Variants in PGAM1 observed in about 807,000 individuals in gnomAD.
The protein encoded by PGAM1 is BPG-dependent PGAM 1.
In PGAM1, 21 loss-of-function variants were observed where a neutral mutation model predicts 23.5. The observed-to-expected ratio is 0.89, with a 90% CI of 0.63 to 1.29. PGAM1 has a LOEUF of 1.29. PGAM1 is among the 50% of genes most tolerant of loss of function. The pLI is 0.00. For missense variants in PGAM1, 232 were observed against 336.3 expected (o/e 0.69, Z 2.42); for synonymous variants, 109 against 128.6 (o/e 0.85, Z 1.03).
chr10:97,428,273 C>CAT (rs1845432939), intron 1 of PGAM1, among the ~76,000 whole-genome samples: 1 of 152,130 alleles, frequency 6.6e-6, no homozygotes, highest in Non-Finnish European at 1.5e-5. Flanking sequence ...AGGTCGAATA[C>CAT]ATATATATAA....
intron 1 of PGAM1, chr10:97,427,267 C>A: frequency 1.0e-6 from 1 of 986,544 alleles, no homozygotes; most frequent in Non-Finnish European, 1.2e-6. Flanking sequence ...AGGTGGAGGC[C>A]CTGGGGGTGC....
At chr10:97,427,822 A>G in intron 1 of PGAM1, 1 of 1,289,450 alleles carries the variant, frequency 7.8e-7, no homozygotes, top group Non-Finnish European at 1.0e-6. Flanking sequence ...GCAGCCATTC[A>G]CAAGGGTCAT....
In PGAM1 at chr10:97,432,357, C is replaced by G. The variant is rs756333282; in HGVS notation, c.598C>G (p.Leu200Val). Reference sequence around the variant, plus strand: ...CTGATGATGGTGGATGTTTTCAGGTCTCTCTGAAGAGGCTATCATGGAGCT... The same window carrying G: ...CTGATGATGGTGGATGTTTTCAGGTGTCTCTGAAGAGGCTATCATGGAGCT... ...LRGIVKHLEG[L>V]SEEAIMELNL... Residue 200 changes from leucine to valine, a missense_variant and splice_region_variant, in exon 4 of 4, where the codon CTC becomes GTC. Transcript: ENST00000334828. 91 of 1,611,986 alleles carry G rather than the reference C, an allele frequency of 5.6e-5. No homozygotes were observed. Among genetic ancestry groups the G allele is most frequent in the Non-Finnish European group, 5.9e-5 (70 of 1,179,934 alleles).
chr10:97,426,420 C>G lies in PGAM1; in HGVS notation c.113C>G (p.Ala38Gly). 1 of 1,602,764 alleles carries G rather than the reference C, an allele frequency of 6.2e-7. No homozygotes were observed. Residue 38 changes from alanine (A) to glycine (G), a missense_variant, in exon 1 of 4, where the codon GCG becomes GGG. By Grantham distance (60) the Ala-to-Gly change is moderately conservative (BLOSUM62 0). Coordinates refer to ENST00000334828, the MANE Select transcript of PGAM1 (RefSeq NM_002629.4). ...ADLSPAGHEE[A>G]KRGGQALRDA... ...CTGAGCCCGGCGGGCCACGAGGAGG[C>G]GAAGCGCGGCGGGCAGGCGCTACGA...
chr10:97,431,141 T>C lies in PGAM1; in HGVS notation c.595+6T>C. Reference sequence around the variant, plus strand: ...CATTGTCAAGCATCTGGAGGGTATGTATGTTTTTTCAGAGGCGCCCTCAAG... The same window carrying C: ...CATTGTCAAGCATCTGGAGGGTATGCATGTTTTTTCAGAGGCGCCCTCAAG... On this transcript the variant is annotated splice_donor_region_variant and intron_variant, in intron 3 of 3. Transcript: ENST00000334828. 1.9e-6 allele frequency: 3 copies of C among 1,614,180 alleles called. No individual in the cohort carries two copies. The highest frequency in any genetic ancestry group is 2.5e-6 in the Non-Finnish European group (3 of 1,180,038).
intron 1 of PGAM1, chr10:97,427,569 G>A (rs1197747324): frequency 3.4e-6 from 4 of 1,159,584 alleles, no homozygotes; most frequent in Non-Finnish European, 4.3e-6. Flanking sequence ...GAAGTAACAG[G>A]TAGGTGTGAG....
intron 1 of PGAM1, chr10:97,427,779 T>G (rs1244938605): frequency 7.8e-7 from 1 of 1,288,598 alleles, no homozygotes; most frequent in African/African-American, 1.5e-5. Flanking sequence ...GGGCAGATCC[T>G]CCTTTGCTCC....
chr10:97,426,374 A>C lies in PGAM1; in HGVS notation c.67A>C (p.Ser23Arg). 4 of 1,608,570 alleles carry C rather than the reference A, an allele frequency of 2.5e-6. No individual in the cohort carries two copies. Among genetic ancestry groups the C allele is most frequent in the Non-Finnish European group, 2.5e-6 (3 of 1,178,360 alleles). The change falls in exon 1 of 4, where the codon AGC (serine) becomes CGC (arginine). Residue 23 changes from serine (S) to arginine (R), a missense_variant. Physicochemically the swap from Ser to Arg is moderately radical, Grantham distance 110. Around this residue, in one of 3 missense-constraint regions of PGAM1, gnomAD observed 38 missense variants for 77.1 expected, o/e 0.49. Transcript: ENST00000334828. ...CGCATGGAACCTGGAGAACCGCTTC[A>C]GCGGCTGGTACGACGCCGACCTGAG... ...ESAWNLENRF[S>R]GWYDADLSPA... is the part of the protein sequence containing the mutation.
At chr10:97,431,529 C>T (rs1845471756) in intron 3 of PGAM1, among the ~76,000 whole-genome samples, 1 of 152,166 alleles carries the variant, frequency 6.6e-6, no homozygotes, top group East Asian at 1.9e-4. Flanking sequence ...CCTGTAATTG[C>T]AACATTTTGG....
At position 97,432,347 on chromosome 10, in the gene PGAM1, G is replaced by A. The variant is rs781730152; in HGVS notation, c.596-8G>A. The A allele has an allele frequency of 6.1e-5, 99 of 1,612,030 alleles. No individual in the cohort carries two copies. Among genetic ancestry groups the A allele is most frequent in the Middle Eastern group, 2.2e-4 (1 of 4,468 alleles). On this transcript the variant is annotated splice_polypyrimidine_tract_variant and splice_region_variant and intron_variant, in intron 3 of 3. Transcript: ENST00000334828. ...TCTTGTGTGGCTGATGATGGTGGAT[G>A]TTTTCAGGTCTCTCTGAAGAGGCTA...
chr10:97,428,995 C>T (rs1564783277), intron 1 of PGAM1, among the ~76,000 whole-genome samples: 1 of 150,198 alleles, frequency 6.7e-6, no homozygotes, highest in Non-Finnish European at 1.5e-5. Flanking sequence ...TGGAGAAAAA[C>T]AGGAATGTTT....
rs1021358704 is a variant in PGAM1 at position 97,430,912 on chromosome 10, G to A, written c.415-43G>A. The A allele has an allele frequency of 6.8e-6, 11 of 1,610,732 alleles. No homozygotes were observed. In the South Asian group the frequency reaches 9.9e-5, roughly 14 times the overall value. ...TACATCATGAAGTCTTTTAACAGAT[G>A]TAACTCTTAATAAGTGGTGAACTTG... On this transcript the variant is annotated intron_variant, in intron 2 of 3. Coordinates refer to ENST00000334828, the MANE Select transcript of PGAM1 (RefSeq NM_002629.4).
Position 97,430,599 on chromosome 10 carries a change from T to C in PGAM1, c.360T>C (p.Asp120=). 2 of 1,602,148 alleles carry C rather than the reference T, an allele frequency of 1.2e-6. No homozygotes were observed. The highest frequency in any genetic ancestry group is 1.7e-6 in the Non-Finnish European group (2 of 1,179,936). The change falls in exon 2 of 4, where the codon GAT becomes GAC. Residue 120 remains aspartate (D), a synonymous_variant. Coordinates refer to ENST00000334828, the MANE Select transcript of PGAM1 (RefSeq NM_002629.4). ...AQVKIWRRSY[D]VPPPPMEPDH... is the part of the protein sequence containing the mutation. ...TGAAGATCTGGAGGCGCTCCTATGA[T>C]GTCCCACCACCTCCGATGGAGCCCG...
At chr10:97,428,961 T>G (rs1183705544) in intron 1 of PGAM1, among the ~76,000 whole-genome samples, 3 of 152,154 alleles carry the variant, frequency 2.0e-5, no homozygotes, top group Non-Finnish European at 4.4e-5. Context: ...TGTGCTGAAT[T>G]TCTAAGAGGG....
At chr10:97,426,806 G>C (rs1156880769) in intron 1 of PGAM1, among the ~76,000 whole-genome samples, 1 of 152,252 alleles carries the variant, frequency 6.6e-6, no homozygotes, top group Admixed American at 6.5e-5. Flanking sequence ...GGCCGAGGCG[G>C]GTGGATCACT....
intron 2 of PGAM1, 37 bp from the exon 3 acceptor site, chr10:97,430,918 C>T: frequency 1.9e-6 from 3 of 1,612,426 alleles, no homozygotes; most frequent in Non-Finnish European, 2.5e-6. Flanking sequence ...AGATGTAACT[C>T]TTAATAAGTG....
Position 97,432,444 on chromosome 10 carries a change from C to G in PGAM1, c.685C>G (p.Pro229Ala). The part of the protein sequence containing the change: ...ELDKNLKPIK[P>A]MQFLGDEETV... ...GGACAAGAACTTGAAGCCTATCAAG[C>G]CCATGCAGTTTCTGGGGGATGAAGA... The change falls in exon 4 of 4, where the codon CCC becomes GCC. Residue 229 changes from proline to alanine, a missense_variant. Pro to Ala is a conservative substitution (Grantham distance 27, BLOSUM62 -1). This residue lies in a region of PGAM1 where 191 missense variants were observed against 241.7 expected (regional missense o/e 0.79). Coordinates refer to ENST00000334828, the MANE Select transcript of PGAM1 (RefSeq NM_002629.4). 1.2e-6 allele frequency: 2 copies of G among 1,610,198 alleles called. No individual in the cohort carries two copies. Among genetic ancestry groups the G allele is most frequent in the South Asian group, 2.2e-5 (2 of 90,962 alleles).
chr10:97,427,157 A>AG, intron 1 of PGAM1: 2 of 363,562 alleles, frequency 5.5e-6, no homozygotes, highest in Non-Finnish European at 7.6e-6. Flanking sequence ...GTGCTCCTGG[A>AG]GGACGCCCTG....
chr10:97,431,749 TGTG>T lies in PGAM1; in HGVS notation c.596-602_596-600del, dbSNP rs544790927. ...AAAGAAAAATGAAAAATTAGCTTGA[TGTG>T]GTGATGCTCATCTGTAGTCCCAGCT... On this transcript the variant is annotated intron_variant, in intron 3 of 3. Transcript: ENST00000334828. 2.6e-3 allele frequency among the ~76,000 whole-genome samples: 394 copies of T among 152,218 alleles called. 3 individuals are homozygous for T. The highest frequency in any genetic ancestry group is 4.4e-3 in the Non-Finnish European group (298 of 68,016).
Sources: allele counts gnomAD v4.1 joint callset (sites outside exome capture counted in the v4.1 genomes callset), GRCh38; gene constraint gnomAD v4.1.1; regional missense constraint gnomAD v4.1.1; transcripts MANE v1.5; gene names NCBI Gene and HGNC (gene_info 2026-07-23, HGNC 2026-07-21).